TEX11: variants seen among roughly 807,000 people sequenced by gnomAD.
TEX11 encodes the protein testis expressed 11, also known as testis-expressed protein 11.
In TEX11, 7 loss-of-function variants were observed where a neutral mutation model predicts 84.4. The observed-to-expected ratio is 0.08, with a 90% CI of 0.05 to 0.16. The LOEUF is 0.16. Among genes scored for constraint, TEX11 ranks in the 10% least tolerant of loss-of-function variants. The pLI is 1.00. For synonymous variants in TEX11, 264 were observed against 222.8 expected (o/e 1.18, Z -1.64); for missense variants, 551 against 660.5 (o/e 0.83, Z 1.82).
chrX:70,781,557 T>C (rs1297993920), intron 9 of TEX11, among the ~76,000 whole-genome samples: 3 of 111,372 alleles, frequency 2.7e-5, no homozygotes, highest in Non-Finnish European at 5.6e-5. Flanking sequence ...TCAAGGAAGC[T>C]AAAAATCTTG....
intron 20 of TEX11, among the ~76,000 whole-genome samples, chrX:70,622,543 G>A (rs989305190): frequency 1.8e-5 from 2 of 111,476 alleles, no homozygotes; most frequent in East Asian, 5.5e-4. Flanking sequence ...AAATCGAATG[G>A]CAATTATGTG....
chrX:70,584,267 G>A (rs2088821830), intron 25 of TEX11, among the ~76,000 whole-genome samples: 1 of 103,664 alleles, frequency 9.6e-6, no homozygotes, highest in Non-Finnish European at 2.0e-5. Flanking sequence ...TCTGGCCTGG[G>A]CGACAGAGCG....
intron 9 of TEX11, among the ~76,000 whole-genome samples, chrX:70,780,150 T>C (rs757727187): frequency 1.1e-4 from 12 of 110,702 alleles, no homozygotes; most frequent in Non-Finnish European, 2.3e-4. Flanking sequence ...TACACATGCC[T>C]GTAATCCCAG....
chrX:70,582,712 T>G (rs1473174048), intron 25 of TEX11, among the ~76,000 whole-genome samples: 1 of 100,774 alleles, frequency 9.9e-6, no homozygotes, highest in Admixed American at 1.2e-4. Context: ...TTGTGTTACC[T>G]CCTATGTACA....
intron 7 of TEX11, among the ~76,000 whole-genome samples, chrX:70,840,971 T>C (rs1219103541): frequency 9.1e-6 from 1 of 110,447 alleles, no homozygotes; most frequent in East Asian, 2.8e-4. Context: ...AGCACCCAGA[T>C]TCATAAAGCA....
At chrX:70,748,634 C>A (rs1421339681) in intron 9 of TEX11, among the ~76,000 whole-genome samples, 2 of 105,845 alleles carry the variant, frequency 1.9e-5, no homozygotes, top group Non-Finnish European at 3.9e-5. Flanking sequence ...CAGCTTTCTA[C>A]ATATGGCTAG....
chrX:70,806,856 G>A, intron 8 of TEX11, 66 bp from the exon 9 acceptor site: 4 of 795,734 alleles, frequency 5.0e-6, no homozygotes, highest in East Asian at 3.5e-5. Flanking sequence ...TTGGGAGGCC[G>A]AGGTGGCAGT....
intron 25 of TEX11, among the ~76,000 whole-genome samples, chrX:70,565,814 GTA>G (rs1188567963): frequency 9.0e-5 from 10 of 111,589 alleles, no homozygotes; most frequent in Non-Finnish European, 1.9e-4. Flanking sequence ...TAGCCTTGTA[GTA>G]TAGTTTGAAG....
the TEX11 span, among the ~76,000 whole-genome samples, chrX:70,521,633 A>G: frequency 8.9e-6 from 1 of 111,785 alleles, no homozygotes; most frequent in African/African-American, 3.3e-5. Flanking sequence ...TAAAGAAATC[A>G]ACAAGAGGGA....
chrX:70,866,776 C>T (rs776284495), intron 4 of TEX11, among the ~76,000 whole-genome samples: 36 of 112,177 alleles, frequency 3.2e-4, no homozygotes, highest in African/African-American at 1.1e-3. Flanking sequence ...GTCGCATAAA[C>T]AGAACCAATG....
intron 13 of TEX11, among the ~76,000 whole-genome samples, chrX:70,711,578 A>T (rs1288012115): frequency 1.8e-5 from 2 of 112,174 alleles, no homozygotes; most frequent in Non-Finnish European, 3.8e-5. Context: ...TTGGCTGCAC[A>T]AATGTCTTCT....
chrX:70,736,569 A>C (rs1297272733), intron 11 of TEX11, among the ~76,000 whole-genome samples: 1 of 109,569 alleles, frequency 9.1e-6, no homozygotes, highest in Non-Finnish European at 1.9e-5. Context: ...TGTGTAGATA[A>C]GTTTTTTGGT....
chrX:70,782,667 CAG>C (rs1272838478), intron 9 of TEX11, among the ~76,000 whole-genome samples: 4 of 31,566 alleles, frequency 1.3e-4, no homozygotes, highest in African/African-American at 1.7e-4. Context: ...AAAAAAAAAA[CAG>C]GGGTTGCAAT....
chrX:70,894,055 A>G (rs2091753567), intron 2 of TEX11, among the ~76,000 whole-genome samples: 1 of 111,417 alleles, frequency 9.0e-6, no homozygotes, highest in African/African-American at 3.3e-5. Flanking sequence ...GACCAATAAC[A>G]AGTTCTGAAA....
intron 16 of TEX11, among the ~76,000 whole-genome samples, chrX:70,666,733 T>G (rs1427073767): frequency 8.9e-6 from 1 of 112,001 alleles, no homozygotes; most frequent in Non-Finnish European, 1.9e-5. Context: ...TCACATCTCC[T>G]AATTCTCCTA....
chrX:70,826,678 T>C (rs2091348519), intron 8 of TEX11, among the ~76,000 whole-genome samples: 1 of 111,710 alleles, frequency 9.0e-6, no homozygotes. Flanking sequence ...AAAGTCATGC[T>C]GGGTTCAGCC....
intron 4 of TEX11, among the ~76,000 whole-genome samples, chrX:70,863,824 C>T (rs147157833): frequency 0.02 from 2,260 of 111,267 alleles, 41 homozygotes; most frequent in African/African-American, 0.07. Context: ...AAGCTAAGAA[C>T]CTTGATAAAA....
chrX:70,524,002 T>C (rs949532256), downstream of TEX11, among the ~76,000 whole-genome samples: 4 of 110,585 alleles, frequency 3.6e-5, no homozygotes, highest in African/African-American at 9.9e-5. Flanking sequence ...TCAATATAAA[T>C]GGGTAAAGCT....
At chrX:70,674,570 T>A (rs911196569) in intron 15 of TEX11, among the ~76,000 whole-genome samples, 1 of 112,450 alleles carries the variant, frequency 8.9e-6, no homozygotes, top group Non-Finnish European at 1.9e-5. Context: ...TATTATTTTT[T>A]GACTTTTTAA....
Sources: gnomAD v4.1 joint callset for allele counts (sites outside exome capture counted in the v4.1 genomes callset) on GRCh38, gnomAD v4.1.1 for gene constraint, MANE v1.5 for transcripts, NCBI Gene and HGNC (gene_info 2026-07-23, HGNC 2026-07-21) for gene names.